The following L3HYPDH variants were observed in gnomAD, a reference collection of about 807,000 sequenced individuals.
L3HYPDH encodes trans-3-hydroxy-L-proline dehydratase.
L3HYPDH carries 32 observed loss-of-function variants against 26.5 expected under a neutral mutation model. That is an observed-to-expected ratio of 1.21 (90% CI 0.91 to 1.62). The LOEUF (loss-of-function observed/expected upper bound fraction) is 1.62. Among genes scored for constraint, L3HYPDH ranks in the 40% most tolerant of loss-of-function variants. The pLI, the probability that L3HYPDH is intolerant of heterozygous loss-of-function variation, is 0.00. For synonymous variants in L3HYPDH, 215 were observed against 196.6 expected (o/e 1.09, Z -0.78); for missense variants, 554 against 476.4 (o/e 1.16, Z -1.52).
the L3HYPDH span, among the ~76,000 whole-genome samples, chr14:59,490,031 T>C: frequency 6.6e-6 from 1 of 152,170 alleles, no homozygotes; most frequent in Non-Finnish European, 1.5e-5. Context: ...CAAGTGATCT[T>C]CCCATCTCAG....
chr14:59,489,554 TCTGAGACC>T, the L3HYPDH span, among the ~76,000 whole-genome samples: 1 of 152,256 alleles, frequency 6.6e-6, no homozygotes, highest in East Asian at 1.9e-4. Context: ...CCTGTCTTCT[TCTGAGACC>T]TCCAAACACT....
downstream of L3HYPDH, among the ~76,000 whole-genome samples, chr14:59,471,839 CA>C (rs1421538067): frequency 6.8e-6 from 1 of 148,094 alleles, no homozygotes; most frequent in Non-Finnish European, 1.5e-5. Flanking sequence ...TTAGTGATGT[CA>C]TTTTTTTTGA....
At chr14:59,503,480 T>C in the L3HYPDH span, among the ~76,000 whole-genome samples, 1 of 152,146 alleles carries the variant, frequency 6.6e-6, no homozygotes, top group African/African-American at 2.4e-5. Flanking sequence ...CACCTGTAGA[T>C]CCATAGCAAC....
At chr14:59,501,411 T>C in the L3HYPDH span, 2,323 of 586,822 alleles carry the variant, frequency 4.0e-3, 33 homozygotes, top group African/African-American at 0.041. Flanking sequence ...GCTTTTGGCT[T>C]GTTAACTTTA....
At chr14:59,466,091 G>T (rs183698459) in intron 1 of L3HYPDH, among the ~76,000 whole-genome samples, 2 of 152,328 alleles carry the variant, frequency 1.3e-5, no homozygotes, top group African/African-American at 2.4e-5. Flanking sequence ...GTGCTCTGAG[G>T]AGCTAGGATA....
chr14:59,484,026 G>C lies in L3HYPDH; in HGVS notation c.291C>G (p.Asn97Lys), dbSNP rs775395981. The change falls in exon 1 of 5, where the codon AAC becomes AAG. Residue 97 changes from asparagine (N) to lysine (K), a missense_variant. Transcript: ENST00000247194. ...GGCCGCACATGGAGCTGTAGCCCTC[G>C]TTGTGCAGGAACAGGACGCCCAGAT... ...DAHLGVLFLH[N>K]EGYSSMCGHA... The C allele has an allele frequency of 8.6e-5, 138 of 1,604,532 alleles. No individual in the cohort carries two copies. The highest frequency in any genetic ancestry group is 1.1e-4 in the Non-Finnish European group (132 of 1,179,078).
At chr14:59,501,301 T>C in the L3HYPDH span, 4 of 1,297,468 alleles carry the variant, frequency 3.1e-6, no homozygotes, top group Non-Finnish European at 4.4e-6. Flanking sequence ...TTAAAGACTT[T>C]TTGATAAATT....
chr14:59,487,976 GA>G (rs1890708189), upstream of L3HYPDH: 1 of 792,018 alleles, frequency 1.3e-6, no homozygotes, highest in Admixed American at 2.4e-5. Flanking sequence ...ACTGTGACAA[GA>G]AAACTTAACA....
At chr14:59,494,972 A>G in the L3HYPDH span, 9 of 1,377,500 alleles carry the variant, frequency 6.5e-6, no homozygotes, top group East Asian at 2.3e-5. Flanking sequence ...AAAGCCATTT[A>G]AATATTGCAA....
At chr14:59,489,864 TA>T in the L3HYPDH span, among the ~76,000 whole-genome samples, 1 of 141,910 alleles carries the variant, frequency 7.0e-6, no homozygotes, top group Non-Finnish European at 1.5e-5. Context: ...CACATGGTGA[TA>T]GGGGGAGGAG....
the L3HYPDH span, among the ~76,000 whole-genome samples, chr14:59,492,797 ATTTTT>A: frequency 7.6e-6 from 1 of 131,998 alleles, no homozygotes; most frequent in Non-Finnish European, 1.6e-5. Context: ...GAGAGCTGCT[ATTTTT>A]TTTTTTTTTT....
chr14:59,483,584 G>A, intron 1 of L3HYPDH: 1 of 1,427,454 alleles, frequency 7.0e-7, no homozygotes, highest in East Asian at 2.6e-5. Context: ...GCTCCTCAAG[G>A]GTCTCCCAAA....
the L3HYPDH span, among the ~76,000 whole-genome samples, chr14:59,496,248 A>T: frequency 6.6e-6 from 1 of 150,524 alleles, no homozygotes; most frequent in Non-Finnish European, 1.5e-5. Context: ...TTTTATAGAT[A>T]TATATATATA....
In L3HYPDH at chr14:59,484,401, G is replaced by T; in HGVS notation, c.-85C>A. ...CCCACTGACTCCGCGGGAGGAGGGC[G>T]GGACGCTAACCAGCCACGTCCGGGG... On this transcript the variant is annotated 5_prime_UTR_variant, in exon 1 of 5. Transcript: ENST00000247194. 2 of 1,445,622 alleles carry T rather than the reference G, an allele frequency of 1.4e-6. No homozygotes were observed. Among genetic ancestry groups the T allele is most frequent in the Non-Finnish European group, 1.9e-6 (2 of 1,067,142 alleles). The allele number at this position is 1,445,622 out of a possible 1,614,324, so 89.5% of individuals were successfully genotyped here. A position where few individuals can be genotyped will look rare whatever the true frequency, so the allele number is the denominator to read the frequency against.
upstream of L3HYPDH, chr14:59,487,904 A>C: frequency 4.7e-6 from 6 of 1,285,280 alleles, no homozygotes; most frequent in Non-Finnish European, 6.7e-6. Flanking sequence ...TTATTAAGTA[A>C]TTATGCTTCT....
Position 59,479,168 on chromosome 14 carries a change from A to C in L3HYPDH, c.678+14T>G. The C allele has an allele frequency of 6.4e-7, 1 of 1,568,698 alleles. No individual in the cohort carries two copies. The highest frequency in any genetic ancestry group is 2.3e-5 in the East Asian group (1 of 43,564). On this transcript the variant is annotated intron_variant, in intron 2 of 4. Coordinates refer to ENST00000247194, the MANE Select transcript of L3HYPDH (RefSeq NM_144581.2). ...AGAGAAGGGAATTGGTTATGAAGGC[A>C]GAGTATTACTGACCTGAGCTTTCAC...
At chr14:59,476,495 T>A (rs1240138896) in intron 2 of L3HYPDH, among the ~76,000 whole-genome samples, 1 of 152,130 alleles carries the variant, frequency 6.6e-6, no homozygotes, top group Non-Finnish European at 1.5e-5. Flanking sequence ...TATACACCCC[T>A]CCCACCCCAA....
At chr14:59,479,429 T>A in intron 1 of L3HYPDH, 78 bp from the exon 2 acceptor site, 1 of 1,312,994 alleles carries the variant, frequency 7.6e-7, no homozygotes. Flanking sequence ...GGATTTTTAA[T>A]ATGTTTATTT....
chr14:59,486,759 C>G, upstream of L3HYPDH: 1 of 1,595,674 alleles, frequency 6.3e-7, no homozygotes, highest in Non-Finnish European at 8.5e-7. Flanking sequence ...GTGGGAAGAC[C>G]CTATTATTTA....
Sources: allele counts gnomAD v4.1 joint callset (sites outside exome capture counted in the v4.1 genomes callset), GRCh38; gene constraint gnomAD v4.1.1; transcripts MANE v1.5; gene names NCBI Gene and HGNC (gene_info 2026-07-23, HGNC 2026-07-21).